Variants in DCST2 observed in about 807,000 individuals in gnomAD.
DCST2 encodes the protein DC-STAMP domain containing 2, also known as DC-STAMP domain-containing protein 2.
A neutral mutation model predicts 81.8 loss-of-function variants in DCST2; 64 were observed. The observed-to-expected ratio is 0.78, with a 90% CI of 0.64 to 0.96. The LOEUF is 0.96. Among genes scored for constraint, DCST2 ranks in the 40% least tolerant of loss-of-function variants. The probability of loss-of-function intolerance (pLI) is 0.00; values close to 1 mark genes in which losing one functional copy is unlikely to be tolerated. For missense variants in DCST2, 945 were observed against 1,001.4 expected, an observed-to-expected ratio of 0.94 and a Z score of 0.76; for synonymous variants, 354 against 402.6, an observed-to-expected ratio of 0.88 and a Z score of 1.44.
intron 7 of DCST2, 145 bp from the exon 8 acceptor site, chr1:155,029,542 C>G (rs1262877492): frequency 1.2e-6 from 1 of 831,302 alleles, no homozygotes; most frequent in Non-Finnish European, 1.9e-6. Flanking sequence ...GCTGTGAGGA[C>G]TCTGGCAAGG....
chr1:155,026,380 G>A lies in DCST2; in HGVS notation c.1533C>T (p.Phe511=), dbSNP rs1659910311. The part of the protein sequence containing the change: ...IVIGVMYGLC[F]FITLFGSYVS... ...CATAGCTGCCAAACAGGGTGATGAA[G>A]AAGCATAGGCCATACATGACGCCTG... Residue 511 remains phenylalanine (F), a synonymous_variant, in exon 10 of 15, where the codon TTC becomes TTT. Coordinates refer to ENST00000368424, the MANE Select transcript of DCST2 (RefSeq NM_144622.3). The A allele has an allele frequency of 1.2e-6, 2 of 1,613,714 alleles. No homozygotes were observed. The highest frequency in any genetic ancestry group is 1.3e-5 in the African/African-American group (1 of 74,928).
rs1352907569 is a variant in DCST2, at chr1:155,026,324, G to C, written c.1589C>G (p.Ser530Cys). Residue 530 changes from serine to cysteine, a missense_variant, in exon 10 of 15, where the codon TCC becomes TGC. Transcript: ENST00000368424. ...VSRLRRVICA[S>C]YYPSREQERI... ...CACCTGCTCCCGGGATGGGTAGTAG[G>C]AGGCACAGATGACTCGCCGCAGCCG... 4.3e-6 allele frequency: 7 copies of C among 1,613,846 alleles called. No individual in the cohort carries two copies. In the Admixed American group the frequency reaches 8.3e-5, roughly 19 times the overall value.
At chr1:155,031,979 TTC>T (rs1365247519) in intron 3 of DCST2, among the ~76,000 whole-genome samples, 1 of 152,072 alleles carries the variant, frequency 6.6e-6, no homozygotes, top group Non-Finnish European at 1.5e-5. Flanking sequence ...ATTTTTTTGT[TTC>T]TGTTTGTTTG....
rs1447870107 is a variant in DCST2 at position 155,021,570 on chromosome 1, C to CT, written c.2105+1546_2105+1547insA. On this transcript the variant is annotated intron_variant, in intron 14 of 14. Coordinates refer to ENST00000368424, the MANE Select transcript of DCST2 (RefSeq NM_144622.3). ...TCTCTCTTACAGTCTCTAACTTAAC[C>CT]CCCCAAAAATATACCTCCAGCCCGG... is the stretch of plus-strand genomic sequence containing the variant. Among the ~76,000 whole-genome samples the CT allele has an allele frequency of 6.9e-3, 850 of 122,948 alleles. 12 individuals carry two copies. Among genetic ancestry groups the CT allele is most frequent in the African/African-American group, 0.022 (717 of 31,882 alleles). 80.7% of individuals were successfully genotyped at this position (122,948 alleles called of 152,430 possible).
rs371988578 is a variant in DCST2 at position 155,031,161 on chromosome 1, T to C, written c.805+8A>G. 1.3e-6 allele frequency: 2 copies of C among 1,580,114 alleles called. No homozygotes were observed. Among genetic ancestry groups the C allele is most frequent in the Non-Finnish European group, 8.6e-7 (1 of 1,167,558 alleles). On this transcript the variant is annotated splice_region_variant and intron_variant, in intron 5 of 14. Coordinates refer to ENST00000368424, the MANE Select transcript of DCST2 (RefSeq NM_144622.3). ...GAGCACCATATGTGGCAGGAGGGGG[T>C]CACTCACGGGTGCCGATGGTCTGGC...
chr1:155,031,347 C>T (rs1660070604), intron 4 of DCST2, 113 bp from the exon 5 acceptor site: 1 of 1,204,398 alleles, frequency 8.3e-7, no homozygotes, highest in South Asian at 1.6e-5. Flanking sequence ...TTGGCCTCCA[C>T]ATTTGCTCAA....
Position 155,031,515 on chromosome 1 carries a change from T to TTGCCCCC in DCST2, c.739+58_739+59insGGGGGCA. 5.8e-5 allele frequency: 37 copies of TTGCCCCC among 643,126 alleles called. 2 individuals are homozygous for TTGCCCCC. Among genetic ancestry groups the TTGCCCCC allele is most frequent in the Non-Finnish European group, 1.0e-4 (35 of 343,058 alleles). 39.8% of individuals were successfully genotyped at this position (643,126 alleles called of 1,614,324 possible). On this transcript the variant is annotated intron_variant, in intron 4 of 14. Coordinates refer to ENST00000368424, the MANE Select transcript of DCST2 (RefSeq NM_144622.3). The stretch of plus-strand genomic sequence containing the variant: ...CTGCCCTCCCAACTGACCCCCACAT[T>TTGCCCCC]CCCACCCCACCCCACCCCACATCGG...
At chr1:155,019,425 ACCT>A (rs1416518277) in intron 14 of DCST2, among the ~76,000 whole-genome samples, 1 of 151,438 alleles carries the variant, frequency 6.6e-6, no homozygotes, top group African/African-American at 2.4e-5. Context: ...TCAATCCCTA[ACCT>A]CCTTGGTTCT....
Position 155,033,050 on chromosome 1 carries a change from C to A in DCST2, c.439+44G>T, listed in dbSNP as rs745359692. The A allele has an allele frequency of 1.0e-5, 15 of 1,486,686 alleles. No individual in the cohort carries two copies. In the Middle Eastern group the frequency reaches 1.1e-3, roughly 110 times the overall value. The allele number at this position is 1,486,686 out of a possible 1,614,324, so 92.1% of individuals were successfully genotyped here. ...TGTAGAACATGCAGGATGAGGGGGG[C>A]GAGGGGGGCCCGTGGGAGACAGTGG... is the stretch of plus-strand genomic sequence containing the variant. On this transcript the variant is annotated intron_variant, in intron 2 of 14. Transcript: ENST00000368424.
Position 155,031,611 on chromosome 1 carries a change from G to A in DCST2, c.702C>T (p.Leu234=). 1 of 1,612,674 alleles carries A rather than the reference G, an allele frequency of 6.2e-7. No individual in the cohort carries two copies. The highest frequency in any genetic ancestry group is 8.5e-7 in the Non-Finnish European group (1 of 1,179,792). ...CACAGAGCGCCAGTTTGAAGGGCAT[G>A]AGCACGTAACACAGGTGGTAGGCTT... The part of the protein sequence containing the change: ...IPQAYHLCYV[L]MPFKLALCGL... The change falls in exon 4 of 15, where the codon CTC becomes CTT. Residue 234 remains leucine, a synonymous_variant. Transcript: ENST00000368424.
rs1015172314 is a variant in DCST2 at position 155,032,741 on chromosome 1, G to C, written c.467C>G (p.Ala156Gly). ...VSALNKIKAI[A>G]RKTKEVADRV... ...GTCAGCCACCTCTTTGGTCTTCCGG[G>C]CAATAGCTTTAATCTTGTTCAGGGC... is the stretch of plus-strand genomic sequence containing the variant. Residue 156 changes from alanine to glycine, a missense_variant, in exon 3 of 15, where the codon GCC becomes GGC. Coordinates refer to ENST00000368424, the MANE Select transcript of DCST2 (RefSeq NM_144622.3). The C allele has an allele frequency of 5.0e-6, 8 of 1,614,178 alleles. No homozygotes were observed. Among genetic ancestry groups the C allele is most frequent in the Admixed American group, 1.7e-5 (1 of 60,030 alleles).
Position 155,026,640 on chromosome 1 carries a change from A to G in DCST2, c.1418T>C (p.Phe473Ser), listed in dbSNP as rs750278151. The G allele has an allele frequency of 4.5e-5, 72 of 1,614,092 alleles. No homozygotes were observed. Among genetic ancestry groups the G allele is most frequent in the Non-Finnish European group, 5.8e-5 (68 of 1,180,038 alleles). ...GNIYRDLVSAFDVLQQGNISI... is the reference protein window; with the variant it reads ...GNIYRDLVSASDVLQQGNISI... ...GATGTTGCCTTGCTGCAGGACATCA[A>G]ATGCTGACACCAGGTCACGATAAAT... Residue 473 changes from phenylalanine to serine, a missense_variant, in exon 9 of 15, where the codon TTT becomes TCT. By Grantham distance (155) the Phe-to-Ser change is radical. Coordinates refer to ENST00000368424, the MANE Select transcript of DCST2 (RefSeq NM_144622.3).
chr1:155,019,575 T>A (rs1393961393), intron 14 of DCST2, among the ~76,000 whole-genome samples: 1 of 152,228 alleles, frequency 6.6e-6, no homozygotes, highest in Admixed American at 6.5e-5. Context: ...TCCTGGCCAC[T>A]GCCCCTGCTC....
At chr1:155,030,323 C>T in intron 6 of DCST2, 82 bp from the exon 7 acceptor site, 2 of 1,599,710 alleles carry the variant, frequency 1.3e-6, no homozygotes, top group South Asian at 2.2e-5. Flanking sequence ...TTCAACCCCA[C>T]AACTTCAACC....
intron 5 of DCST2, 56 bp downstream of exon 5, chr1:155,031,113 G>A (rs764604021): frequency 1.2e-4 from 180 of 1,548,106 alleles, no homozygotes; most frequent in Non-Finnish European, 1.5e-4. Flanking sequence ...GCCACACCGG[G>A]ATGAGGGAGG....
intron 10 of DCST2, among the ~76,000 whole-genome samples, chr1:155,024,919 C>T (rs989413341): frequency 1.4e-4 from 22 of 152,222 alleles, no homozygotes; most frequent in Admixed American, 5.2e-4. Flanking sequence ...GAGGCCGAGG[C>T]GGGTGGATCA....
chr1:155,026,051 A>C (rs1571545922), intron 10 of DCST2, among the ~76,000 whole-genome samples: 13 of 135,470 alleles, frequency 9.6e-5, no homozygotes, highest in East Asian at 2.1e-4. Flanking sequence ...CCCCCTCAAC[A>C]CCCCTGTGAT....
intron 8 of DCST2, among the ~76,000 whole-genome samples, chr1:155,028,157 T>C (rs1659964913): frequency 1.3e-5 from 2 of 151,330 alleles, no homozygotes; most frequent in South Asian, 4.2e-4. Flanking sequence ...AACTCCTGAC[T>C]TCAGGTGATC....
intron 14 of DCST2, among the ~76,000 whole-genome samples, chr1:155,020,788 C>G (rs1439754950): frequency 1.3e-5 from 2 of 152,020 alleles, no homozygotes; most frequent in African/African-American, 2.4e-5. Flanking sequence ...TGCCTGTCAC[C>G]TGTCTTCACA....
Sources: gnomAD v4.1 joint callset for allele counts (sites outside exome capture counted in the v4.1 genomes callset) on GRCh38, gnomAD v4.1.1 for gene constraint, MANE v1.5 for transcripts, NCBI Gene and HGNC (gene_info 2026-07-23, HGNC 2026-07-21) for gene names.